Variants in MYO1D observed in about 807,000 individuals in gnomAD.
MYO1D encodes the protein myosin ID.
Under a neutral mutation model 122.0 loss-of-function variants are expected in MYO1D, and 83 were observed. The ratio of observed to expected loss-of-function variants is 0.68; its 90% confidence interval spans 0.57 to 0.82. The LOEUF (loss-of-function observed/expected upper bound fraction) is 0.82. MYO1D is among the 40% of genes least tolerant of loss of function. MYO1D has a pLI of 0.00. For missense variants in MYO1D, 1,157 were observed against 1,269.5 expected (o/e 0.91, Z 1.35); for synonymous variants, 464 against 446.9 (o/e 1.04, Z -0.48).
chr17:32,793,887 C>A (rs2090385368), intron 1 of MYO1D, among the ~76,000 whole-genome samples: 1 of 152,232 alleles, frequency 6.6e-6, no homozygotes, highest in Non-Finnish European at 1.5e-5. Flanking sequence ...AAGTGAGATA[C>A]TCTGCATAAA....
chr17:32,866,530 T>C (rs534209095), intron 1 of MYO1D, among the ~76,000 whole-genome samples: 1 of 152,358 alleles, frequency 6.6e-6, no homozygotes, highest in Non-Finnish European at 1.5e-5. Flanking sequence ...TGAAATTCTC[T>C]ATTCCTTATT....
At chr17:32,547,807 G>T (rs969696829) in intron 21 of MYO1D, among the ~76,000 whole-genome samples, 5 of 151,944 alleles carry the variant, frequency 3.3e-5, no homozygotes, top group Admixed American at 2.0e-4. Context: ...AAAATTAGCC[G>T]GGCGTGGTGG....
intron 21 of MYO1D, among the ~76,000 whole-genome samples, chr17:32,587,234 A>G (rs1175298511): frequency 6.6e-6 from 1 of 152,202 alleles, no homozygotes; most frequent in Non-Finnish European, 1.5e-5. Flanking sequence ...TCGCCAGGCC[A>G]GGGGCTGTGG....
rs1481084824 is a variant in MYO1D, at chr17:32,765,050, G to A, written c.863C>T (p.Thr288Met). Reference sequence around the variant, plus strand: ...TACTTTGCCATTCTCAATAAGAGGCGTGTCACCATCTACTACAAATTTTAA... The same window carrying A: ...TACTTTGCCATTCTCAATAAGAGGCATGTCACCATCTACTACAAATTTTAA... ...GNLKFVVDGD[T>M]PLIENGKVVS... The change falls in exon 8 of 22, where the codon ACG becomes ATG. Residue 288 changes from threonine (T) to methionine (M), a missense_variant. Thr to Met is a moderately conservative substitution (Grantham distance 81). Coordinates refer to ENST00000318217, the MANE Select transcript of MYO1D (RefSeq NM_015194.3). The A allele has an allele frequency of 3.7e-6, 6 of 1,613,382 alleles. 1 individual carries two copies. The highest frequency in any genetic ancestry group is 3.3e-5 in the Admixed American group (2 of 59,998).
rs1909014370 is a variant in MYO1D, at chr17:32,494,524, G to GA, written c.*234_*235insT. 1 of 564,070 alleles carries GA rather than the reference G, an allele frequency of 1.8e-6. No individual in the cohort carries two copies. Among genetic ancestry groups the GA allele is most frequent in the South Asian group, 2.2e-5 (1 of 45,128 alleles). 34.9% of individuals were successfully genotyped at this position (564,070 alleles called of 1,614,324 possible). A position where few individuals can be genotyped will look rare whatever the true frequency, so the allele number is the denominator to read the frequency against. On this transcript the variant is annotated 3_prime_UTR_variant, in exon 22 of 22. Transcript: ENST00000318217. ...AGATTGGTCTGGACGTCAGCCCAGG[G>GA]GTCTGGGCGGGGCACCAGGGTCTTT...
chr17:32,676,572 C>G (rs936053536), intron 16 of MYO1D, among the ~76,000 whole-genome samples: 2 of 152,016 alleles, frequency 1.3e-5, no homozygotes, highest in African/African-American at 4.8e-5. Flanking sequence ...GAGAGAATGT[C>G]CAAGGGACTT....
intron 21 of MYO1D, among the ~76,000 whole-genome samples, chr17:32,575,561 C>T (rs2087270994): frequency 6.6e-6 from 1 of 152,188 alleles, no homozygotes; most frequent in Admixed American, 6.5e-5. Flanking sequence ...TTATCTTAGT[C>T]CTATCAGATG....
intron 20 of MYO1D, among the ~76,000 whole-genome samples, chr17:32,616,284 C>T (rs554930258): frequency 6.6e-6 from 1 of 152,060 alleles, no homozygotes; most frequent in African/African-American, 2.4e-5. Context: ...TTTGGGACAT[C>T]TTGGGAGTGG....
intron 1 of MYO1D, chr17:32,792,560 T>A (rs1257768816): frequency 6.6e-6 from 1 of 152,220 alleles, no homozygotes; most frequent in Non-Finnish European, 1.5e-5. Flanking sequence ...ATGGAGTCAA[T>A]TAGTTTTATC....
intron 1 of MYO1D, among the ~76,000 whole-genome samples, chr17:32,816,738 C>T (rs1349269800): frequency 6.6e-6 from 1 of 152,168 alleles, no homozygotes; most frequent in Admixed American, 6.5e-5. Context: ...AATGGATGCA[C>T]TCACCTCAAC....
At position 32,553,102 on chromosome 17, in the gene MYO1D, AC is replaced by A. The variant is rs1378294207; in HGVS notation, c.2864+51984del. ...CAAAAAAAAAAAAACAAAAAACAAA[AC>A]AAAAAAAAAAACAAAAAAACCAGCA... On this transcript the variant is annotated intron_variant, in intron 21 of 21. Transcript: ENST00000318217. Among the ~76,000 whole-genome samples the A allele has an allele frequency of 3.4e-3, 386 of 114,308 alleles. 2 individuals are homozygous for A. The highest frequency in any genetic ancestry group is 0.018 in the African/African-American group (366 of 20,614). 75.0% of individuals were successfully genotyped at this position (114,308 alleles called of 152,430 possible).
In MYO1D at chr17:32,523,790, CAAAAA is replaced by C. The variant is rs34905929; in HGVS notation, c.2865-28880_2865-28876del. Among the ~76,000 whole-genome samples, 176 of 91,652 alleles carry C rather than the reference CAAAAA, an allele frequency of 1.9e-3. 1 individual carries two copies. The highest frequency in any genetic ancestry group is 6.8e-3 in the African/African-American group (157 of 22,998). The allele number at this position is 91,652 out of a possible 152,430, so 60.1% of individuals were successfully genotyped here. A position where few individuals can be genotyped will look rare whatever the true frequency, so the allele number is the denominator to read the frequency against. ...TGGGCAACAGAAAAAGACCCTGTCT[CAAAAA>C]AAAAAAAAAAAAAAAAAGAGTGCCA... On this transcript the variant is annotated intron_variant, in intron 21 of 21. Transcript: ENST00000318217.
chr17:32,549,969 T>C (rs2086997208), intron 21 of MYO1D, among the ~76,000 whole-genome samples: 1 of 152,188 alleles, frequency 6.6e-6, no homozygotes, highest in African/African-American at 2.4e-5. Context: ...CTATGGAATG[T>C]GCCTAATTTA....
At chr17:32,731,250 G>T (rs1445378940) in intron 14 of MYO1D, among the ~76,000 whole-genome samples, 1 of 152,038 alleles carries the variant, frequency 6.6e-6, no homozygotes, top group Non-Finnish European at 1.5e-5. Context: ...TAGTCTAAGT[G>T]GAATTCTGGA....
chr17:32,682,586 C>T (rs1156991324), intron 16 of MYO1D, among the ~76,000 whole-genome samples: 4 of 149,134 alleles, frequency 2.7e-5, no homozygotes, highest in Non-Finnish European at 5.9e-5. Flanking sequence ...GGCCCCCACT[C>T]TCTTCTGGCT....
chr17:32,703,702 C>A (rs1251379415), intron 16 of MYO1D, among the ~76,000 whole-genome samples: 1 of 152,090 alleles, frequency 6.6e-6, no homozygotes, highest in Admixed American at 6.6e-5. Context: ...TCTTCCGAGA[C>A]AACAAAATAT....
At chr17:32,701,372 A>T (rs996008953) in intron 16 of MYO1D, among the ~76,000 whole-genome samples, 9 of 152,194 alleles carry the variant, frequency 5.9e-5, no homozygotes, top group African/African-American at 1.9e-4. Context: ...GTTCCAAAAT[A>T]CAGACAAAAA....
intron 21 of MYO1D, among the ~76,000 whole-genome samples, chr17:32,520,054 T>C (rs901048969): frequency 3.9e-5 from 6 of 152,172 alleles, no homozygotes; most frequent in Non-Finnish European, 8.8e-5. Context: ...TACGTGACAC[T>C]TTTCCTGCTC....
intron 15 of MYO1D, among the ~76,000 whole-genome samples, chr17:32,717,730 G>C (rs535519693): frequency 4.6e-5 from 7 of 152,200 alleles, no homozygotes; most frequent in Non-Finnish European, 7.3e-5. Context: ...AGATGTCAGC[G>C]TGATTCTCAC....
Sources: gnomAD v4.1 joint callset for allele counts (sites outside exome capture counted in the v4.1 genomes callset) on GRCh38, gnomAD v4.1.1 for gene constraint, MANE v1.5 for transcripts, NCBI Gene and HGNC (gene_info 2026-07-23, HGNC 2026-07-21) for gene names.